Variants in PRICKLE1 observed in about 807,000 individuals in gnomAD.
PRICKLE1 encodes the protein prickle planar cell polarity protein 1.
A neutral mutation model predicts 70.2 loss-of-function variants in PRICKLE1; 14 were observed. That is an observed-to-expected ratio of 0.20 (90% CI 0.13 to 0.31). PRICKLE1 has a LOEUF of 0.31. Ranked by LOEUF, PRICKLE1 falls within the 10% of genes least tolerant of loss-of-function variation. PRICKLE1 has a pLI of 1.00. For missense variants in PRICKLE1, 821 were observed against 1,026.2 expected (o/e 0.80, Z 2.73); for synonymous variants, 357 against 379.9 (o/e 0.94, Z 0.70).
At chr12:42,530,680 A>ATT (rs34675637) in intron 1 of PRICKLE1, among the ~76,000 whole-genome samples, 39,142 of 97,026 alleles carry the variant, frequency 0.4, 7,961 homozygotes, top group South Asian at 0.49. Flanking sequence ...TTATCAAATA[A>ATT]TTTTTTTTTT....
chr12:42,576,646 T>A (rs1338158308), intron 1 of PRICKLE1, among the ~76,000 whole-genome samples: 1 of 152,228 alleles, frequency 6.6e-6, no homozygotes, highest in Non-Finnish European at 1.5e-5. Flanking sequence ...TACTTCATAG[T>A]CACTTATGAA....
chr12:42,554,223 C>T (rs1940374565), intron 1 of PRICKLE1, among the ~76,000 whole-genome samples: 1 of 152,186 alleles, frequency 6.6e-6, no homozygotes, highest in African/African-American at 2.4e-5. Context: ...TAAAACAATT[C>T]ATTTTGTTTA....
Position 42,459,775 on chromosome 12 carries a change from A to G in PRICKLE1, c.*34T>C. ...GAAACGATTCAGACGGTTAATGGCT[A>G]AGTTTTAAACAAATGCTCTGCATCA... is the stretch of plus-strand genomic sequence containing the variant. On this transcript the variant is annotated 3_prime_UTR_variant, in exon 8 of 8. Transcript: ENST00000345127. 6.2e-7 allele frequency: 1 copy of G among 1,613,350 alleles called. No homozygotes were observed. The highest frequency in any genetic ancestry group is 8.5e-7 in the Non-Finnish European group (1 of 1,179,434).
At chr12:42,470,194 C>T in intron 3 of PRICKLE1, 52 bp downstream of exon 3, 1 of 1,280,452 alleles carries the variant, frequency 7.8e-7, no homozygotes, top group Non-Finnish European at 1.1e-6. Flanking sequence ...CTCAATGCTT[C>T]TCATGCATTT....
intron 1 of PRICKLE1, among the ~76,000 whole-genome samples, chr12:42,571,411 T>G (rs1271148523): frequency 6.6e-6 from 1 of 152,168 alleles, no homozygotes; most frequent in Non-Finnish European, 1.5e-5. Context: ...CCAAAATAAT[T>G]GAAACCAGCC....
In PRICKLE1 at chr12:42,459,483, T is replaced by C; in HGVS notation, c.*326A>G. The C allele has an allele frequency of 3.0e-6, 2 of 656,450 alleles. No homozygotes were observed. Among genetic ancestry groups the C allele is most frequent in the Non-Finnish European group, 5.5e-6 (2 of 364,534 alleles). 40.7% of individuals were successfully genotyped at this position (656,450 alleles called of 1,614,324 possible). A position where few individuals can be genotyped will look rare whatever the true frequency, so the allele number is the denominator to read the frequency against. On this transcript the variant is annotated 3_prime_UTR_variant, in exon 8 of 8. Coordinates refer to ENST00000345127, the MANE Select transcript of PRICKLE1 (RefSeq NM_153026.3). ...AAGGTGGCTGGAGTTCTCCATCTTC[T>C]AAAATCAACATCCAATCCCCTTCAG...
chr12:42,572,068 A>C (rs1306568781), intron 1 of PRICKLE1, among the ~76,000 whole-genome samples: 1 of 152,176 alleles, frequency 6.6e-6, no homozygotes, highest in African/African-American at 2.4e-5. Context: ...TTGCAGATTT[A>C]AAAAAATTAT....
intron 1 of PRICKLE1, among the ~76,000 whole-genome samples, chr12:42,501,777 C>A (rs745717687): frequency 1.3e-5 from 2 of 152,096 alleles, no homozygotes; most frequent in African/African-American, 4.8e-5. Context: ...GATGATCACA[C>A]ACATAAATAT....
At chr12:42,570,167 T>A (rs2120747083) in intron 1 of PRICKLE1, among the ~76,000 whole-genome samples, 1 of 152,360 alleles carries the variant, frequency 6.6e-6, no homozygotes, top group Middle Eastern at 3.4e-3. Context: ...GCTCCCTTCC[T>A]TGAGTCAAAA....
At chr12:42,541,724 C>T (rs1336239146) in intron 1 of PRICKLE1, among the ~76,000 whole-genome samples, 1 of 152,168 alleles carries the variant, frequency 6.6e-6, no homozygotes, top group Non-Finnish European at 1.5e-5. Context: ...CAAGGCTGGC[C>T]AGGTGACTGT....
chr12:42,569,128 A>G (rs1940668373), intron 1 of PRICKLE1, among the ~76,000 whole-genome samples: 1 of 152,182 alleles, frequency 6.6e-6, no homozygotes, highest in African/African-American at 2.4e-5. Context: ...TTTTCACTTA[A>G]TGGATATACC....
chr12:42,545,334 ATAGT>A (rs1318479471), intron 1 of PRICKLE1, among the ~76,000 whole-genome samples: 2 of 152,284 alleles, frequency 1.3e-5, no homozygotes, highest in South Asian at 2.1e-4. Flanking sequence ...CACCTAGCAC[ATAGT>A]TAGTAGGCAC....
rs926084837 is a variant in PRICKLE1, at chr12:42,496,144, T to C, written c.-48-23580A>G. 3.3e-5 allele frequency among the ~76,000 whole-genome samples: 5 copies of C among 152,374 alleles called. No individual in the cohort carries two copies. The East Asian group carries it at 7.7e-4, about 23-fold the overall frequency. On this transcript the variant is annotated intron_variant, in intron 1 of 7. Transcript: ENST00000345127. ...GAAAGATGAAACCATCCATGATTCA[T>C]GAGCTGCAGAATGGATGTTGTGTTT...
At chr12:42,546,921 C>G (rs764220965) in intron 1 of PRICKLE1, among the ~76,000 whole-genome samples, 10 of 152,150 alleles carry the variant, frequency 6.6e-5, no homozygotes, top group Non-Finnish European at 1.0e-4. Flanking sequence ...ACTTTCATTT[C>G]AACTATTTTG....
At chr12:42,537,634 G>T (rs1408211228) in intron 1 of PRICKLE1, among the ~76,000 whole-genome samples, 1 of 152,178 alleles carries the variant, frequency 6.6e-6, no homozygotes, top group Non-Finnish European at 1.5e-5. Flanking sequence ...TGTTTACTGT[G>T]TACCAGACAG....
intron 1 of PRICKLE1, among the ~76,000 whole-genome samples, chr12:42,546,343 A>G (rs1189082805): frequency 6.6e-6 from 1 of 152,246 alleles, no homozygotes; most frequent in Non-Finnish European, 1.5e-5. Context: ...AATAGTGGAC[A>G]TAAACAAAAA....
rs553919252 is a variant in PRICKLE1 at position 42,464,755 on chromosome 12, G to A, written c.1279C>T (p.Leu427Phe). The A allele has an allele frequency of 6.2e-7, 1 of 1,614,056 alleles. No individual in the cohort carries two copies. The highest frequency in any genetic ancestry group is 1.7e-5 in the Admixed American group (1 of 60,000). ...QLLLKFGDKS[L>F]FQPQPNEMDI... ...ATCTCATTGGGCTGTGGCTGAAAGA[G>A]GCTTTTATCACCAAACTTGAGGAGG... The change falls in exon 7 of 8, where the codon CTC becomes TTC. Residue 427 changes from leucine (L) to phenylalanine (F), a missense_variant. Leu to Phe is a conservative substitution (Grantham distance 22). Transcript: ENST00000345127. The surrounding 1 kb of genome is among the most constrained non-coding windows in gnomAD (Gnocchi z 4.2).
intron 1 of PRICKLE1, among the ~76,000 whole-genome samples, chr12:42,555,067 C>T (rs1397211153): frequency 6.6e-6 from 1 of 151,960 alleles, no homozygotes; most frequent in Admixed American, 6.6e-5. Context: ...CTTTGGGAGG[C>T]CGAGGAGGGT....
At chr12:42,577,952 G>C (rs1940829427) in intron 1 of PRICKLE1, among the ~76,000 whole-genome samples, 1 of 152,086 alleles carries the variant, frequency 6.6e-6, no homozygotes, top group Admixed American at 6.6e-5. Flanking sequence ...AGCTCCTTAG[G>C]AAGCTGCATC....
Sources: allele counts gnomAD v4.1 joint callset (sites outside exome capture counted in the v4.1 genomes callset), GRCh38; gene constraint gnomAD v4.1.1; non-coding constraint Gnocchi (gnomAD v3.1); transcripts MANE v1.5; gene names NCBI Gene and HGNC (gene_info 2026-07-23, HGNC 2026-07-21).